Variants in HCRTR2 observed in about 807,000 individuals in gnomAD.
HCRTR2 encodes the protein orexin receptor type 2.
HCRTR2 carries 22 observed loss-of-function variants against 49.0 expected under a neutral mutation model. The ratio of observed to expected loss-of-function variants is 0.45; its 90% CI spans 0.32 to 0.64. The LOEUF (loss-of-function observed/expected upper bound fraction) is 0.64. Ranked by LOEUF, HCRTR2 falls within the 30% of genes least tolerant of loss-of-function variation. HCRTR2 has a pLI of 0.04. For synonymous variants in HCRTR2, 236 were observed against 205.3 expected (o/e 1.15, Z -1.28); for missense variants, 491 against 559.4 (o/e 0.88, Z 1.23).
At chr6:55,263,242 T>A (rs900701065) in intron 3 of HCRTR2, among the ~76,000 whole-genome samples, 1 of 152,080 alleles carries the variant, frequency 6.6e-6, no homozygotes. Context: ...CTCAGGGAAC[T>A]TACATTCTAA....
intron 1 of HCRTR2, among the ~76,000 whole-genome samples, chr6:55,230,519 A>G (rs569134663): frequency 6.6e-6 from 1 of 152,318 alleles, no homozygotes; most frequent in South Asian, 2.1e-4. Context: ...TTGAAGTAAT[A>G]TGGGATGTGT....
intron 1 of HCRTR2, among the ~76,000 whole-genome samples, chr6:55,113,655 G>T (rs541375101): frequency 5.9e-5 from 9 of 152,004 alleles, no homozygotes; most frequent in African/African-American, 2.2e-4. Flanking sequence ...ATAGATGTTG[G>T]TGTGGATGTG....
At chr6:55,241,794 T>A (rs919105992) in intron 1 of HCRTR2, among the ~76,000 whole-genome samples, 20 of 151,860 alleles carry the variant, frequency 1.3e-4, no homozygotes, top group African/African-American at 3.6e-4. Context: ...TTGAAGGTTT[T>A]TGAGGGACAT....
chr6:55,204,193 C>T (rs947218259), intron 1 of HCRTR2, among the ~76,000 whole-genome samples: 13 of 152,186 alleles, frequency 8.5e-5, no homozygotes, highest in African/African-American at 2.9e-4. Flanking sequence ...ACCAGGAGCA[C>T]TCTCAACCTA....
intron 1 of HCRTR2, among the ~76,000 whole-genome samples, chr6:55,145,621 T>C (rs1348309761): frequency 1.3e-5 from 2 of 152,096 alleles, no homozygotes; most frequent in Non-Finnish European, 2.9e-5. Flanking sequence ...TTCACCGTGT[T>C]AGCCAGGATG....
intron 1 of HCRTR2, among the ~76,000 whole-genome samples, chr6:55,142,131 T>C (rs1435780335): frequency 6.6e-6 from 1 of 152,140 alleles, no homozygotes; most frequent in Admixed American, 6.5e-5. Flanking sequence ...TGAAGAGAAT[T>C]AGTTAAATAG....
Position 55,277,604 on chromosome 6 carries a change from A to G in HCRTR2, c.983+4A>G. 6.3e-7 allele frequency: 1 copy of G among 1,594,800 alleles called. No homozygotes were observed. The highest frequency in any genetic ancestry group is 8.6e-7 in the Non-Finnish European group (1 of 1,162,580). ...GCATCCTCAATGTGCTAAAGAGGTAAAACTTATCTGTTATTTGAAAATGAA... is the reference window on the plus strand; with the variant it reads ...GCATCCTCAATGTGCTAAAGAGGTAGAACTTATCTGTTATTTGAAAATGAA... On this transcript the variant is annotated splice_donor_region_variant and intron_variant, in intron 5 of 6. Coordinates refer to ENST00000370862, the MANE Select transcript of HCRTR2 (RefSeq NM_001384272.1).
At chr6:55,107,787 C>T (rs1381149707) in intron 1 of HCRTR2, among the ~76,000 whole-genome samples, 1 of 152,094 alleles carries the variant, frequency 6.6e-6, no homozygotes, top group African/African-American at 2.4e-5. Context: ...CTGATTTTTA[C>T]AACCATCTAC....
intron 1 of HCRTR2, among the ~76,000 whole-genome samples, chr6:55,237,548 G>C (rs540966682): frequency 6.6e-6 from 1 of 152,130 alleles, no homozygotes; most frequent in Non-Finnish European, 1.5e-5. Flanking sequence ...TATCAGCTTT[G>C]TTCTCTGTTT....
At chr6:55,262,232 CACCAACTGTTTCCCCAAA>C (rs1766771316) in intron 3 of HCRTR2, among the ~76,000 whole-genome samples, 1 of 150,332 alleles carries the variant, frequency 6.7e-6, no homozygotes, top group African/African-American at 2.4e-5. Flanking sequence ...TGTAACCAAA[CACCAACTGTTTCCCCAAA>C]ACCTATCGGA....
rs560857854 is a variant in HCRTR2, at chr6:55,127,068, G to T, written c.-378+20523G>T. On this transcript the variant is annotated intron_variant, in intron 1 of 7. Transcript: ENST00000615358. ...GCCTGGCTTCAGTACCCCTTCCAGT[G>T]GGAGTGATTGGTTCTGTCTCGCTGA... Among the ~76,000 whole-genome samples the T allele has an allele frequency of 2.3e-3, 345 of 152,234 alleles. 1 individual carries two copies. The highest frequency in any genetic ancestry group is 8.2e-3 in the African/African-American group (339 of 41,542).
intron 1 of HCRTR2, among the ~76,000 whole-genome samples, chr6:55,227,509 A>G (rs1562013976): frequency 6.6e-6 from 1 of 152,220 alleles, no homozygotes; most frequent in Non-Finnish European, 1.5e-5. Flanking sequence ...TTAATGTTTA[A>G]CATGTATGTT....
intron 1 of HCRTR2, among the ~76,000 whole-genome samples, chr6:55,153,777 A>G (rs1205722264): frequency 1.3e-5 from 2 of 151,964 alleles, no homozygotes; most frequent in African/African-American, 4.8e-5. Context: ...TTAGCAGAAG[A>G]AAGACAATAA....
At chr6:55,272,990 C>G (rs1359148117) in intron 4 of HCRTR2, among the ~76,000 whole-genome samples, 1 of 151,588 alleles carries the variant, frequency 6.6e-6, no homozygotes, top group Non-Finnish European at 1.5e-5. Context: ...TAAGGGCCAT[C>G]TGTACACTCT....
chr6:55,177,864 T>A (rs1765067708), intron 1 of HCRTR2, among the ~76,000 whole-genome samples: 1 of 152,184 alleles, frequency 6.6e-6, no homozygotes, highest in Non-Finnish European at 1.5e-5. Flanking sequence ...AAGTTTTAAA[T>A]AGAATGTTAT....
chr6:55,217,634 A>T (rs531124987), intron 1 of HCRTR2, among the ~76,000 whole-genome samples: 1 of 152,288 alleles, frequency 6.6e-6, no homozygotes, highest in South Asian at 2.1e-4. Flanking sequence ...TTTCTGTCTG[A>T]AACCTCATAA....
At chr6:55,125,985 C>G (rs1021635821) in intron 1 of HCRTR2, among the ~76,000 whole-genome samples, 1 of 152,032 alleles carries the variant, frequency 6.6e-6, no homozygotes, top group East Asian at 1.9e-4. Context: ...ATGTTCTTCT[C>G]TAAGCTGGTT....
chr6:55,234,338 A>T (rs1371803902), intron 1 of HCRTR2, among the ~76,000 whole-genome samples: 1 of 152,260 alleles, frequency 6.6e-6, no homozygotes, highest in Admixed American at 6.5e-5. Context: ...AAGGTAAAAG[A>T]TTGGTTTTGT....
At chr6:55,133,516 T>C (rs1427086359) in intron 1 of HCRTR2, among the ~76,000 whole-genome samples, 1 of 151,884 alleles carries the variant, frequency 6.6e-6, no homozygotes, top group African/African-American at 2.4e-5. Flanking sequence ...TGCTGCATAG[T>C]GATCTGAAAG....
Sources: allele counts gnomAD v4.1 joint callset (sites outside exome capture counted in the v4.1 genomes callset), GRCh38; gene constraint gnomAD v4.1.1; transcripts MANE v1.5; gene names NCBI Gene and HGNC (gene_info 2026-07-23, HGNC 2026-07-21).